DNAI7: variants seen among roughly 807,000 people sequenced by gnomAD.
The protein encoded by DNAI7 is cancer susceptibility 1.
DNAI7 carries 78 observed loss-of-function variants against 86.6 expected under a neutral mutation model. The ratio of observed to expected loss-of-function variants is 0.90; its 90% CI spans 0.75 to 1.09. The LOEUF is 1.09. Ranked by LOEUF, DNAI7 falls within the 50% of genes least tolerant of loss-of-function variation. DNAI7 has a pLI of 0.00. For synonymous variants in DNAI7, 274 were observed against 273.0 expected (o/e 1.00, Z -0.04); for missense variants, 753 against 810.2 (o/e 0.93, Z 0.86).
At chr12:25,112,715 GT>G (rs969693034) in intron 13 of DNAI7, among the ~76,000 whole-genome samples, 3 of 151,436 alleles carry the variant, frequency 2.0e-5, no homozygotes, top group African/African-American at 2.4e-5. Flanking sequence ...CTACACATCT[GT>G]TTTTTTTTTA....
chr12:25,117,422 T>C (rs769056764), intron 12 of DNAI7, among the ~76,000 whole-genome samples: 2 of 152,236 alleles, frequency 1.3e-5, no homozygotes, highest in Non-Finnish European at 2.9e-5. Flanking sequence ...AAGTAGATTA[T>C]GTAAAAGCTC....
chr12:25,130,013 C>T lies in DNAI7; in HGVS notation c.1003-6727G>A, dbSNP rs542225097. 1.5e-4 allele frequency among the ~76,000 whole-genome samples: 23 copies of T among 151,984 alleles called. No individual in the cohort carries two copies. In the South Asian group the frequency reaches 4.0e-3, roughly 26 times the overall value. On this transcript the variant is annotated intron_variant, in intron 9 of 15. Coordinates refer to ENST00000395987, the MANE Select transcript of DNAI7 (RefSeq NM_018272.5). The stretch of plus-strand genomic sequence containing the variant: ...CCGATCTCAGGTGATCCCCCTGCCT[C>T]GGCCTCCCAAAGTGCTGGGATTATA...
intron 7 of DNAI7, 112 bp downstream of exon 7, chr12:25,149,516 C>T (rs1455033122): frequency 1.1e-5 from 8 of 738,162 alleles, no homozygotes; most frequent in Admixed American, 2.7e-5. Context: ...AATTATTCTG[C>T]TAACTTTTCC....
chr12:25,112,429 C>CG (rs1565616868), intron 13 of DNAI7, among the ~76,000 whole-genome samples: 2 of 103,736 alleles, frequency 1.9e-5, no homozygotes, highest in Non-Finnish European at 3.5e-5. Flanking sequence ...TTTTTTGAGA[C>CG]GGAGTCTCCC....
chr12:25,122,643 T>C (rs1045564022), intron 10 of DNAI7, among the ~76,000 whole-genome samples: 1 of 152,188 alleles, frequency 6.6e-6, no homozygotes, highest in African/African-American at 2.4e-5. Context: ...GACATCGCTA[T>C]TGCCTTGACA....
At chr12:25,162,222 G>A (rs1408947542) in intron 2 of DNAI7, among the ~76,000 whole-genome samples, 1 of 152,190 alleles carries the variant, frequency 6.6e-6, no homozygotes, top group Admixed American at 6.5e-5. Flanking sequence ...TATTTTATAA[G>A]CTAACTTACT....
intron 2 of DNAI7, among the ~76,000 whole-genome samples, chr12:25,170,133 G>A (rs192758041): frequency 3.3e-5 from 5 of 152,156 alleles, no homozygotes; most frequent in Admixed American, 3.3e-4. Flanking sequence ...GCTCACACCT[G>A]TAATCCCAGC....
chr12:25,155,666 A>G (rs964816131), intron 4 of DNAI7, among the ~76,000 whole-genome samples: 1 of 152,190 alleles, frequency 6.6e-6, no homozygotes, highest in African/African-American at 2.4e-5. Context: ...AATAATACTA[A>G]CATTATTTGA....
At position 25,144,642 on chromosome 12, in the gene DNAI7, C is replaced by G; in HGVS notation, c.725G>C (p.Gly242Ala). The G allele has an allele frequency of 1.2e-6, 2 of 1,613,818 alleles. No individual in the cohort carries two copies. The highest frequency in any genetic ancestry group is 1.7e-6 in the Non-Finnish European group (2 of 1,179,900). ...RSVRFSETQI[G>A]FEIPRILATS... is the part of the protein sequence containing the mutation. The stretch of plus-strand genomic sequence containing the variant: ...TGCTAATATCCTTGGAATCTCAAAT[C>G]CAATTTGTGTTTCAGAGAATCTAAC... The change falls in exon 9 of 16, where the codon GGA (glycine) becomes GCA (alanine). Residue 242 changes from glycine to alanine, a missense_variant. Gly to Ala is a moderately conservative substitution (Grantham distance 60). Coordinates refer to ENST00000395987, the MANE Select transcript of DNAI7 (RefSeq NM_018272.5).
intron 9 of DNAI7, among the ~76,000 whole-genome samples, chr12:25,129,627 T>C (rs565183086): frequency 4.6e-5 from 7 of 152,300 alleles, no homozygotes; most frequent in African/African-American, 1.7e-4. Flanking sequence ...TACTTTTCCC[T>C]CTGACCAGAA....
intron 2 of DNAI7, among the ~76,000 whole-genome samples, chr12:25,182,435 C>T (rs948941179): frequency 1.3e-5 from 2 of 151,050 alleles, no homozygotes; most frequent in African/African-American, 2.4e-5. Flanking sequence ...ACCTAATTAA[C>T]CTAATCAACA....
At chr12:25,188,590 C>T (rs1440365434) in intron 2 of DNAI7, among the ~76,000 whole-genome samples, 1 of 150,380 alleles carries the variant, frequency 6.6e-6, no homozygotes, top group Non-Finnish European at 1.5e-5. Flanking sequence ...GATTTCTTTA[C>T]TTGAACCCGG....
Position 25,195,115 on chromosome 12 carries a change from G to T in DNAI7, c.-37C>A. The T allele has an allele frequency of 9.9e-6, 16 of 1,608,534 alleles. No individual in the cohort carries two copies. Among genetic ancestry groups the T allele is most frequent in the Non-Finnish European group, 1.3e-5 (15 of 1,174,982 alleles). On this transcript the variant is annotated 5_prime_UTR_variant, in exon 1 of 16. Coordinates refer to ENST00000395987, the MANE Select transcript of DNAI7 (RefSeq NM_018272.5). ...CTCCACTGCAGTAGTCCGCAGAGTC[G>T]GAGCAGAAATTGTGTGGACAAACGC...
chr12:25,111,781 TATA>T lies in DNAI7; in HGVS notation c.1767_1769del (p.Ile590del), dbSNP rs753386224. 557 of 1,580,362 alleles carry T rather than the reference TATA, an allele frequency of 3.5e-4. No individual in the cohort carries two copies. Among genetic ancestry groups the T allele is most frequent in the Admixed American group, 5.9e-4 (31 of 52,692 alleles). The stretch of plus-strand genomic sequence containing the variant: ...AAAGATTCATTCTTGCCTTATTGTT[TATA>T]ATAACATAAAAATGAGAGTGTCTAG... On this transcript the variant is annotated inframe_deletion, in exon 14 of 16. Coordinates refer to ENST00000395987, the MANE Select transcript of DNAI7 (RefSeq NM_018272.5).
chr12:25,164,463 C>T (rs946320880), intron 2 of DNAI7, among the ~76,000 whole-genome samples: 1 of 152,088 alleles, frequency 6.6e-6, no homozygotes. Flanking sequence ...AAACCTAAAA[C>T]CTCTTCAACT....
chr12:25,150,473 G>A (rs545073889), intron 6 of DNAI7, among the ~76,000 whole-genome samples: 235 of 151,894 alleles, frequency 1.5e-3, no homozygotes, highest in East Asian at 0.01. Flanking sequence ...GTGTGGTGGC[G>A]GGCGCCTGTA....
In DNAI7 at chr12:25,108,751, C is replaced by A; in HGVS notation, c.1966G>T (p.Ala656Ser). The change falls in exon 16 of 16, where the codon GCA becomes TCA. Residue 656 changes from alanine to serine, a missense_variant. Transcript: ENST00000395987. ...TCTTCCTTGATCTTCAGTCTTTGTGCTCTGTCACCACTAAACATTAAAAGG... is the reference window on the plus strand; with the variant it reads ...TCTTCCTTGATCTTCAGTCTTTGTGATCTGTCACCACTAAACATTAAAAGG... The part of the protein sequence containing the change: ...WALLMFSGDR[A>S]QRLKIKEESE... 6.9e-7 allele frequency: 1 copy of A among 1,454,956 alleles called. No individual in the cohort carries two copies. Among genetic ancestry groups the A allele is most frequent in the Non-Finnish European group, 9.2e-7 (1 of 1,086,090 alleles). 90.1% of individuals were successfully genotyped at this position (1,454,956 alleles called of 1,614,324 possible).
intron 9 of DNAI7, among the ~76,000 whole-genome samples, chr12:25,130,688 T>A (rs571467719): frequency 1.6e-4 from 24 of 152,162 alleles, no homozygotes; most frequent in Admixed American, 8.5e-4. Flanking sequence ...CTATAATGCA[T>A]GCCCCTTAGA....
In DNAI7 at chr12:25,181,347, G is replaced by A. The variant is rs184852355; in HGVS notation, c.21+9267C>T. On this transcript the variant is annotated intron_variant, in intron 2 of 15. Coordinates refer to ENST00000395987, the MANE Select transcript of DNAI7 (RefSeq NM_018272.5). ...TTTCCCAGGTTGGTCTTGAACTCCC[G>A]GCCTCAAGCAATCCTTCTGCTTCAG... is the stretch of plus-strand genomic sequence containing the variant. 3.7e-3 allele frequency among the ~76,000 whole-genome samples: 566 copies of A among 152,046 alleles called. 11 individuals carry two copies. Among genetic ancestry groups the A allele is most frequent in the Middle Eastern group, 3.4e-3 (1 of 294 alleles).
Sources: allele counts gnomAD v4.1 joint callset (sites outside exome capture counted in the v4.1 genomes callset), GRCh38; gene constraint gnomAD v4.1.1; transcripts MANE v1.5; gene names NCBI Gene and HGNC (gene_info 2026-07-23, HGNC 2026-07-21).